The following FER variants were observed in gnomAD, a reference collection of about 807,000 sequenced individuals.
FER encodes the protein FER tyrosine kinase.
FER carries 63 observed loss-of-function variants against 111.0 expected under a neutral mutation model. The observed-to-expected ratio is 0.57, with a 90% CI of 0.46 to 0.70. FER has a LOEUF of 0.70. Ranked by LOEUF, FER falls within the 30% of genes least tolerant of loss-of-function variation. FER has a pLI of 0.00. For synonymous variants in FER, 327 were observed against 313.9 expected, an observed-to-expected ratio of 1.04 and a Z score of -0.44; for missense variants, 914 against 954.0, an observed-to-expected ratio of 0.96 and a Z score of 0.55.
intron 13 of FER, among the ~76,000 whole-genome samples, chr5:108,981,180 T>A (rs77366289): frequency 0.12 from 17,563 of 152,108 alleles, 1,102 homozygotes; most frequent in Middle Eastern, 0.16. Context: ...TGAAGCTTAA[T>A]AATGTGTTTT....
intron 17 of FER, among the ~76,000 whole-genome samples, chr5:109,139,350 C>CTTTTTTTTTTTTTTTTTT (rs59092426): frequency 2.4e-4 from 22 of 91,096 alleles, no homozygotes; most frequent in African/African-American, 9.3e-4. Context: ...TTCTTTCTTT[C>CTTTTTTTTTTTTTTTTTT]TTTTTTTTTT....
chr5:109,054,879 T>C (rs1194732685), intron 16 of FER, among the ~76,000 whole-genome samples: 1 of 152,216 alleles, frequency 6.6e-6, no homozygotes, highest in Non-Finnish European at 1.5e-5. Context: ...TACCTTCATA[T>C]TAAATTCAGT....
At chr5:109,000,478 A>G (rs1190087529) in intron 13 of FER, among the ~76,000 whole-genome samples, 2 of 152,186 alleles carry the variant, frequency 1.3e-5, no homozygotes, top group African/African-American at 4.8e-5. Context: ...ACAACATTCC[A>G]GAATCTCTCG....
chr5:109,041,985 G>A (rs555668509), intron 14 of FER, among the ~76,000 whole-genome samples: 112 of 152,282 alleles, frequency 7.4e-4, no homozygotes, highest in African/African-American at 2.6e-3. Context: ...CTTCTCAAGT[G>A]AGAGCCAGGA....
rs532921150 is a variant in FER, at chr5:108,970,598, A to G, written c.1656+11251A>G. Among the ~76,000 whole-genome samples the G allele has an allele frequency of 2.0e-4, 31 of 152,292 alleles. No individual in the cohort carries two copies. The South Asian group carries it at 5.2e-3, about 25-fold the overall frequency. ...AATTTGAAAAGTATTTATATGAAGG[A>G]TTTTTAAAAATCAACAAAAGCTATT... On this transcript the variant is annotated intron_variant, in intron 13 of 19. Transcript: ENST00000281092.
chr5:108,887,999 G>A (rs1029737216), intron 9 of FER, among the ~76,000 whole-genome samples: 6 of 151,794 alleles, frequency 4.0e-5, no homozygotes, highest in African/African-American at 1.5e-4. Flanking sequence ...AATACCTTAT[G>A]TATTATAAAA....
chr5:108,899,122 G>C (rs189552108), intron 10 of FER, among the ~76,000 whole-genome samples: 3 of 150,364 alleles, frequency 2.0e-5, no homozygotes, highest in East Asian at 3.9e-4. Context: ...CTGAGAATAC[G>C]GTAAATGTAG....
In FER at chr5:109,193,248, G is replaced by A. The variant is rs1759506319; in HGVS notation, c.*5673G>A. 6.6e-6 allele frequency: 1 copy of A among 152,096 alleles called. No individual in the cohort carries two copies. Among genetic ancestry groups the A allele is most frequent in the Non-Finnish European group, 1.5e-5 (1 of 68,020 alleles). 9.4% of individuals were successfully genotyped at this position (152,096 alleles called of 1,614,324 possible). A position where few individuals can be genotyped will look rare whatever the true frequency, so the allele number is the denominator to read the frequency against. The stretch of plus-strand genomic sequence containing the variant: ...TATCTGTGAGGCCTCAGACACAACG[G>A]TGGTTCAGCCCTCTCCCTAAGCAGT... On this transcript the variant is annotated 3_prime_UTR_variant, in exon 20 of 20. Transcript: ENST00000281092.
intron 13 of FER, among the ~76,000 whole-genome samples, chr5:108,991,305 C>G (rs1284894107): frequency 6.6e-6 from 1 of 151,750 alleles, no homozygotes; most frequent in Admixed American, 6.6e-5. Flanking sequence ...AGTTTAATTA[C>G]TCTAATTATT....
At chr5:108,810,940 C>T (rs1757694086) in intron 3 of FER, among the ~76,000 whole-genome samples, 1 of 151,476 alleles carries the variant, frequency 6.6e-6, no homozygotes, top group East Asian at 1.9e-4. Context: ...GGAGACCTGC[C>T]CTGGTGAGGA....
At chr5:109,062,001 C>T (rs1774474262) in intron 16 of FER, among the ~76,000 whole-genome samples, 2 of 138,052 alleles carry the variant, frequency 1.4e-5, no homozygotes, top group South Asian at 4.8e-4. Context: ...TTGTTTGAAT[C>T]ATCTCTTGAA....
chr5:109,075,724 G>A (rs140760951), intron 16 of FER, among the ~76,000 whole-genome samples: 5 of 152,090 alleles, frequency 3.3e-5, no homozygotes, highest in South Asian at 2.1e-4. Flanking sequence ...TGCCCAGCCC[G>A]CTTAGCATTT....
intron 17 of FER, among the ~76,000 whole-genome samples, chr5:109,157,428 T>G (rs766005960): frequency 5.3e-5 from 8 of 152,158 alleles, no homozygotes; most frequent in Non-Finnish European, 1.0e-4. Flanking sequence ...CTGTCATTTT[T>G]GTAAACCATT....
At chr5:109,124,587 TTTGTTGTTGTTGTTGTTGTTG>T (rs148987260) in intron 17 of FER, among the ~76,000 whole-genome samples, 1 of 150,070 alleles carries the variant, frequency 6.7e-6, no homozygotes, top group Non-Finnish European at 1.5e-5. Context: ...TTTTAATAGT[TTTGTTGTTGTTGTTGTTGTTG>T]TTGTTGTTGT....
intron 13 of FER, among the ~76,000 whole-genome samples, chr5:108,988,304 A>G (rs991176039): frequency 6.6e-6 from 1 of 152,058 alleles, no homozygotes; most frequent in African/African-American, 2.4e-5. Flanking sequence ...TATTGGCTTC[A>G]TAGAATGATT....
At chr5:108,845,069 C>CATATATATATATAT (rs1561503658) in intron 5 of FER, among the ~76,000 whole-genome samples, 1 of 69,952 alleles carries the variant, frequency 1.4e-5, no homozygotes, top group African/African-American at 5.3e-5. Context: ...TATATATATA[C>CATATATATATATAT]ACACACACAC....
chr5:108,844,583 C>T (rs1761687259), intron 5 of FER, among the ~76,000 whole-genome samples: 1 of 152,078 alleles, frequency 6.6e-6, no homozygotes, highest in African/African-American at 2.4e-5. Context: ...TTACTACAAT[C>T]AAGATAATGA....
intron 17 of FER, among the ~76,000 whole-genome samples, chr5:109,172,854 T>C (rs184743575): frequency 1.1e-3 from 169 of 152,262 alleles, no homozygotes; most frequent in African/African-American, 3.7e-3. Context: ...AGCAGAAATA[T>C]TGACTGAGAG....
chr5:108,945,207 G>A (rs1485840712), intron 10 of FER, among the ~76,000 whole-genome samples: 1 of 152,160 alleles, frequency 6.6e-6, no homozygotes, highest in Non-Finnish European at 1.5e-5. Context: ...GAATTAGTGT[G>A]CTTGACAAAA....
Sources: gnomAD v4.1 joint callset for allele counts (sites outside exome capture counted in the v4.1 genomes callset) on GRCh38, gnomAD v4.1.1 for gene constraint, MANE v1.5 for transcripts, NCBI Gene and HGNC (gene_info 2026-07-23, HGNC 2026-07-21) for gene names.